The following ZFHX3 variants were observed in gnomAD, a reference collection of about 807,000 sequenced individuals.
The protein encoded by ZFHX3 is zinc finger homeobox 3.
A neutral mutation model predicts 279.1 loss-of-function variants in ZFHX3; 42 were observed. That is an observed-to-expected ratio of 0.15 (90% confidence interval 0.12 to 0.19). ZFHX3 has a LOEUF of 0.19. ZFHX3 is among the 10% of genes least tolerant of loss of function. The probability of loss-of-function intolerance (pLI) is 1.00; values close to 1 mark genes in which losing one functional copy is unlikely to be tolerated. For synonymous variants in ZFHX3, 2,293 were observed against 1,957.8 expected (o/e 1.17, Z -4.52); for missense variants, 4,981 against 4,754.0 (o/e 1.05, Z -1.40).
intron 2 of ZFHX3, among the ~76,000 whole-genome samples, chr16:73,462,891 A>G (rs1283238757): frequency 6.6e-6 from 1 of 152,138 alleles, no homozygotes; most frequent in Non-Finnish European, 1.5e-5. Flanking sequence ...GTACTATTTT[A>G]GTCTGGGTTT....
upstream of ZFHX3, chr16:73,060,542 C>A (rs1169297756): frequency 1.5e-5 from 2 of 134,026 alleles, no homozygotes; most frequent in Non-Finnish European, 3.2e-5. Flanking sequence ...CTGTCTCTTC[C>A]CCCCCCTTTC....
chr16:73,728,015 G>GACCCAC (rs377699912), intron 1 of ZFHX3, among the ~76,000 whole-genome samples: 1 of 75,426 alleles, frequency 1.3e-5, no homozygotes, highest in Non-Finnish European at 2.6e-5. Context: ...GCCGAATTGT[G>GACCCAC]CCCCCCCCCC....
intron 1 of ZFHX3, among the ~76,000 whole-genome samples, chr16:73,860,913 G>A (rs962081500): frequency 6.6e-6 from 1 of 151,978 alleles, no homozygotes; most frequent in African/African-American, 2.4e-5. Flanking sequence ...GGGGAGGGGA[G>A]GTAATATTCT....
chr16:73,860,660 G>A (rs1961857514), intron 1 of ZFHX3, among the ~76,000 whole-genome samples: 1 of 152,198 alleles, frequency 6.6e-6, no homozygotes, highest in Non-Finnish European at 1.5e-5. Context: ...AAACAAAGCA[G>A]ACACTTCACC....
At chr16:73,485,756 A>AC (rs1179182926) in intron 2 of ZFHX3, among the ~76,000 whole-genome samples, 8 of 152,194 alleles carry the variant, frequency 5.3e-5, no homozygotes, top group African/African-American at 1.9e-4. Context: ...AGGTCTGCAC[A>AC]CATCCCTTGG....
At chr16:72,904,105 C>G (rs1210089329) in intron 3 of ZFHX3, among the ~76,000 whole-genome samples, 1 of 152,200 alleles carries the variant, frequency 6.6e-6, no homozygotes, top group Non-Finnish European at 1.5e-5. Context: ...GTGGCTCACG[C>G]CTATAATCCT....
At chr16:72,881,545 C>G (rs918050248) in intron 4 of ZFHX3, among the ~76,000 whole-genome samples, 2 of 152,170 alleles carry the variant, frequency 1.3e-5, no homozygotes, top group African/African-American at 4.8e-5. Context: ...AGGTCGGGAA[C>G]AAGTTTCATA....
chr16:73,330,764 T>C (rs1404975574), intron 3 of ZFHX3, among the ~76,000 whole-genome samples: 1 of 152,096 alleles, frequency 6.6e-6, no homozygotes, highest in Non-Finnish European at 1.5e-5. Flanking sequence ...GGCAGGGAGG[T>C]AATTAAAAGA....
chr16:73,839,326 C>CAAAAAAGA (rs1961233006), intron 1 of ZFHX3, among the ~76,000 whole-genome samples: 11 of 30,046 alleles, frequency 3.7e-4, no homozygotes, highest in African/African-American at 1.1e-3. Context: ...GACTCCATCT[C>CAAAAAAGA]AAAAAAAAAA....
chr16:73,651,274 A>G (rs934025641), intron 2 of ZFHX3, among the ~76,000 whole-genome samples: 6 of 151,982 alleles, frequency 3.9e-5, no homozygotes, highest in East Asian at 3.9e-4. Context: ...GTTAAGACTC[A>G]GGGGATGATA....
intron 3 of ZFHX3, among the ~76,000 whole-genome samples, chr16:73,351,264 C>T (rs1326388298): frequency 2.0e-5 from 3 of 152,214 alleles, no homozygotes; most frequent in Admixed American, 6.5e-5. Flanking sequence ...CAAGTGTCAA[C>T]CCCAATCCGG....
intron 7 of ZFHX3, among the ~76,000 whole-genome samples, chr16:73,103,082 C>A (rs1472481014): frequency 6.6e-6 from 1 of 152,024 alleles, no homozygotes; most frequent in Non-Finnish European, 1.5e-5. Context: ...CTGCTACCAA[C>A]CCTGGCTAAT....
chr16:72,873,692 CAG>C (rs2038224023), intron 4 of ZFHX3, among the ~76,000 whole-genome samples: 1 of 152,106 alleles, frequency 6.6e-6, no homozygotes, highest in Non-Finnish European at 1.5e-5. Context: ...ATCTTGAAAA[CAG>C]AGAAAGTATG....
At chr16:73,535,394 G>C (rs1307395405) in intron 2 of ZFHX3, among the ~76,000 whole-genome samples, 2 of 152,180 alleles carry the variant, frequency 1.3e-5, no homozygotes, top group African/African-American at 2.4e-5. Flanking sequence ...CTGGTATGAG[G>C]AGAGTTCAGT....
chr16:73,750,317 C>T (rs147098982), intron 1 of ZFHX3, among the ~76,000 whole-genome samples: 47 of 152,218 alleles, frequency 3.1e-4, no homozygotes, highest in African/African-American at 1.1e-3. Context: ...CTGGAGTGTA[C>T]GATCTGCAAA....
chr16:73,842,531 C>T (rs911954103), intron 1 of ZFHX3, among the ~76,000 whole-genome samples: 9 of 152,152 alleles, frequency 5.9e-5, no homozygotes, highest in African/African-American at 2.2e-4. Context: ...CCTATCCCCA[C>T]ATCTGTCCCC....
chr16:72,815,158 A>G (rs2036569284), intron 5 of ZFHX3, among the ~76,000 whole-genome samples: 1 of 152,166 alleles, frequency 6.6e-6, no homozygotes, highest in Admixed American at 6.5e-5. Context: ...CTGTAATCCT[A>G]GCACTTTGGA....
intron 8 of ZFHX3, among the ~76,000 whole-genome samples, chr16:73,081,895 G>A (rs1012729784): frequency 2.0e-5 from 3 of 148,596 alleles, no homozygotes; most frequent in African/African-American, 7.5e-5. Flanking sequence ...GGAGTGCGGT[G>A]GCACGATCTT....
At chr16:73,683,822 T>G (rs891375930) in intron 1 of ZFHX3, among the ~76,000 whole-genome samples, 1 of 152,106 alleles carries the variant, frequency 6.6e-6, no homozygotes, top group Admixed American at 6.5e-5. Context: ...AGTAAGGAAA[T>G]CCACAGAATA....
Sources: gnomAD v4.1 joint callset for allele counts (sites outside exome capture counted in the v4.1 genomes callset) on GRCh38, gnomAD v4.1.1 for gene constraint, MANE v1.5 for transcripts, NCBI Gene and HGNC (gene_info 2026-07-23, HGNC 2026-07-21) for gene names.